EYS: variants seen among roughly 807,000 people sequenced by gnomAD.
EYS encodes protein eyes shut homolog.
In EYS, 250 loss-of-function variants were observed where a neutral mutation model predicts 282.1. The ratio of observed to expected loss-of-function variants is 0.89; its 90% confidence interval spans 0.80 to 0.98. EYS has a LOEUF of 0.98. Among genes scored for constraint, EYS ranks in the 50% least tolerant of loss-of-function variants. The pLI is 0.00. For missense variants in EYS, 4,016 were observed against 3,709.0 expected (o/e 1.08, Z -2.15); for synonymous variants, 1,355 against 1,282.9 (o/e 1.06, Z -1.20).
At chr6:65,057,872 C>G in intron 12 of EYS, 145 bp from the exon 13 acceptor site, 1 of 627,126 alleles carries the variant, frequency 1.6e-6, no homozygotes, top group South Asian at 2.0e-5. Context: ...ACATATATTA[C>G]TATCAGAACC....
At chr6:64,125,524 G>C (rs956484502) in intron 31 of EYS, among the ~76,000 whole-genome samples, 8 of 151,734 alleles carry the variant, frequency 5.3e-5, no homozygotes, top group Non-Finnish European at 1.0e-4. Flanking sequence ...CTCACGCCTG[G>C]CCTGTAATCC....
chr6:65,305,320 A>G (rs1337051721), intron 11 of EYS, among the ~76,000 whole-genome samples: 2 of 152,190 alleles, frequency 1.3e-5, no homozygotes, highest in Non-Finnish European at 2.9e-5. Flanking sequence ...TGTATTCTTT[A>G]TGTATTGTCT....
At chr6:64,464,071 T>A (rs1265780891) in intron 26 of EYS, among the ~76,000 whole-genome samples, 1 of 152,158 alleles carries the variant, frequency 6.6e-6, no homozygotes, top group Non-Finnish European at 1.5e-5. Context: ...AAATCAAAAT[T>A]GAACAACACA....
At chr6:65,587,796 A>G (rs1230933174) in intron 2 of EYS, among the ~76,000 whole-genome samples, 3 of 152,128 alleles carry the variant, frequency 2.0e-5, no homozygotes, top group African/African-American at 7.2e-5. Flanking sequence ...ATATGCAATA[A>G]TATTTTTAAA....
chr6:64,459,872 A>G (rs1775686004), intron 26 of EYS, among the ~76,000 whole-genome samples: 1 of 152,040 alleles, frequency 6.6e-6, no homozygotes, highest in Non-Finnish European at 1.5e-5. Flanking sequence ...CCCAAGAACA[A>G]TACTTTGCAT....
rs555356340 is a variant in EYS, at chr6:65,536,629, G to A, written c.-332-40636C>T. On this transcript the variant is annotated intron_variant, in intron 2 of 42. Coordinates refer to ENST00000503581, the MANE Select transcript of EYS (RefSeq NM_001142800.2). ...CTAAAAATGCTAGAAAAATGTGATA[G>A]TAATATTTTTTACATGCTTGTCTGA... is the stretch of plus-strand genomic sequence containing the variant. Among the ~76,000 whole-genome samples the A allele has an allele frequency of 1.1e-4, 17 of 152,208 alleles. No individual in the cohort carries two copies. The East Asian group carries it at 3.3e-3, about 29-fold the overall frequency.
chr6:65,495,492 A>G lies in EYS; in HGVS notation c.-82T>C, dbSNP rs1766226162. On this transcript the variant is annotated 5_prime_UTR_variant, in exon 4 of 43. Coordinates refer to ENST00000503581, the MANE Select transcript of EYS (RefSeq NM_001142800.2). The stretch of plus-strand genomic sequence containing the variant: ...TAAGTATTACCGGAAATTTCCAAGT[A>G]AAGTTGTGGTTAAGGATTCCTGGGA... The G allele has an allele frequency of 3.4e-6, 5 of 1,476,738 alleles. No individual in the cohort carries two copies. The highest frequency in any genetic ancestry group is 1.8e-5 in the Admixed American group (1 of 55,488). 91.5% of individuals were successfully genotyped at this position (1,476,738 alleles called of 1,614,324 possible). A position where few individuals can be genotyped will look rare whatever the true frequency, so the allele number is the denominator to read the frequency against.
At chr6:64,556,377 C>G (rs1348602573) in intron 26 of EYS, among the ~76,000 whole-genome samples, 1 of 152,054 alleles carries the variant, frequency 6.6e-6, no homozygotes, top group South Asian at 2.1e-4. Context: ...AAGCTAGACA[C>G]AGAGGGTCTG....
chr6:65,332,451 G>T, intron 11 of EYS: 1 of 1,374,058 alleles, frequency 7.3e-7, no homozygotes, highest in Non-Finnish European at 1.0e-6. Flanking sequence ...TAATATTTTA[G>T]CTAACTTAAG....
chr6:65,357,010 T>G (rs1764510788), intron 8 of EYS, among the ~76,000 whole-genome samples: 1 of 151,970 alleles, frequency 6.6e-6, no homozygotes, highest in Non-Finnish European at 1.5e-5. Context: ...GTGGAAGCAC[T>G]TTTTGCATAA....
chr6:65,041,787 G>A lies in EYS; in HGVS notation c.2137+15827C>T, dbSNP rs548045235. ...CTTTCACATTGGCACAAGCAACAGT[G>A]ATCCCAGTATTTGGTCAATATATAA... On this transcript the variant is annotated intron_variant, in intron 13 of 42. Coordinates refer to ENST00000503581, the MANE Select transcript of EYS (RefSeq NM_001142800.2). 4.6e-5 allele frequency among the ~76,000 whole-genome samples: 7 copies of A among 151,604 alleles called. No individual in the cohort carries two copies. In the East Asian group the frequency reaches 1.4e-3, roughly 30 times the overall value.
chr6:63,930,608 A>C (rs1474810164), intron 35 of EYS, among the ~76,000 whole-genome samples: 1 of 152,214 alleles, frequency 6.6e-6, no homozygotes. Flanking sequence ...TAGATATAAA[A>C]ATGTAAAGAA....
intron 30 of EYS, among the ~76,000 whole-genome samples, chr6:64,295,233 G>GT (rs912163171): frequency 2.4e-4 from 35 of 146,498 alleles, no homozygotes; most frequent in Admixed American, 7.6e-4. Context: ...AAAATTAGCC[G>GT]TTTTTTTAGT....
At chr6:63,839,225 C>T (rs1220984540) in intron 36 of EYS, among the ~76,000 whole-genome samples, 1 of 152,136 alleles carries the variant, frequency 6.6e-6, no homozygotes, top group African/African-American at 2.4e-5. Context: ...TCTCTAAAAC[C>T]TTTTCAGCCT....
intron 15 of EYS, among the ~76,000 whole-genome samples, chr6:64,944,403 G>T (rs1325388807): frequency 6.6e-6 from 1 of 152,060 alleles, no homozygotes; most frequent in Non-Finnish European, 1.5e-5. Flanking sequence ...CATAGCAAAG[G>T]AAACTATCAA....
At chr6:65,284,752 G>C (rs1236376023) in intron 12 of EYS, among the ~76,000 whole-genome samples, 1 of 152,046 alleles carries the variant, frequency 6.6e-6, no homozygotes, top group African/African-American at 2.4e-5. Flanking sequence ...GTTGTTAACA[G>C]ATGAATGGAT....
chr6:65,084,982 T>C (rs1774326604), intron 12 of EYS, among the ~76,000 whole-genome samples: 1 of 152,124 alleles, frequency 6.6e-6, no homozygotes, highest in Admixed American at 6.6e-5. Context: ...CTGGGGGTTC[T>C]CCACTGATTG....
intron 12 of EYS, among the ~76,000 whole-genome samples, chr6:65,063,786 A>C (rs755761815): frequency 6.6e-6 from 1 of 152,020 alleles, no homozygotes; most frequent in Admixed American, 6.6e-5. Context: ...GGTGACAAAT[A>C]GCCATTGGCT....
At chr6:65,271,543 T>C (rs563285378) in intron 12 of EYS, among the ~76,000 whole-genome samples, 1 of 152,140 alleles carries the variant, frequency 6.6e-6, no homozygotes, top group Non-Finnish European at 1.5e-5. Flanking sequence ...TAACCAGCTA[T>C]CTGGGAATCC....
Sources: gnomAD v4.1 joint callset for allele counts (sites outside exome capture counted in the v4.1 genomes callset) on GRCh38, gnomAD v4.1.1 for gene constraint, MANE v1.5 for transcripts, NCBI Gene and HGNC (gene_info 2026-07-23, HGNC 2026-07-21) for gene names.